PRKN: variants seen among roughly 807,000 people sequenced by gnomAD.
PRKN encodes parkin RBR E3 ubiquitin protein ligase, also known as E3 ubiquitin-protein ligase parkin.
PRKN carries 56 observed loss-of-function variants against 59.5 expected under a neutral mutation model. The ratio of observed to expected loss-of-function variants is 0.94; its 90% CI spans 0.76 to 1.18. PRKN has a LOEUF of 1.18. PRKN is among the 50% of genes most tolerant of loss of function. PRKN has a pLI of 0.00. For synonymous variants in PRKN, 250 were observed against 222.1 expected (o/e 1.13, Z -1.12); for missense variants, 657 against 596.4 (o/e 1.10, Z -1.06).
chr6:162,123,595 T>C (rs1781008770), intron 4 of PRKN, among the ~76,000 whole-genome samples: 1 of 152,222 alleles, frequency 6.6e-6, no homozygotes, highest in South Asian at 2.1e-4. Flanking sequence ...GAAATTAACA[T>C]CTTTTAGACA....
intron 1 of PRKN, among the ~76,000 whole-genome samples, chr6:162,578,951 TA>T (rs1780670119): frequency 1.3e-5 from 2 of 152,216 alleles, no homozygotes; most frequent in Admixed American, 1.3e-4. Flanking sequence ...TTAAACACCA[TA>T]AGACAGAAAA....
intron 1 of PRKN, among the ~76,000 whole-genome samples, chr6:162,587,718 G>T (rs1301461776): frequency 6.6e-6 from 1 of 152,008 alleles, no homozygotes; most frequent in East Asian, 1.9e-4. Context: ...TATCAGTTAG[G>T]TTGCAGTGAT....
intron 1 of PRKN, among the ~76,000 whole-genome samples, chr6:162,510,187 C>T (rs1011512658): frequency 3.9e-5 from 6 of 152,148 alleles, no homozygotes; most frequent in East Asian, 1.9e-4. Flanking sequence ...ACTAAATAGA[C>T]GTTTTTATTT....
chr6:161,416,654 T>C (rs1278459328), intron 9 of PRKN, among the ~76,000 whole-genome samples: 3 of 152,074 alleles, frequency 2.0e-5, no homozygotes, highest in Non-Finnish European at 2.9e-5. Flanking sequence ...GTGTCCTATA[T>C]TTGCTCATAA....
intron 2 of PRKN, among the ~76,000 whole-genome samples, chr6:162,317,665 T>C (rs1269185918): frequency 1.3e-5 from 2 of 152,036 alleles, no homozygotes; most frequent in African/African-American, 4.8e-5. Context: ...TCACTGAAAG[T>C]AGTCTGCCTG....
intron 6 of PRKN, among the ~76,000 whole-genome samples, chr6:161,814,390 GACTC>G (rs1791682160): frequency 6.6e-6 from 1 of 152,210 alleles, no homozygotes; most frequent in Non-Finnish European, 1.5e-5. Flanking sequence ...TGCTAATAAA[GACTC>G]ACAGTTTCAC....
At chr6:162,047,210 C>T (rs140095204) in intron 5 of PRKN, among the ~76,000 whole-genome samples, 2 of 152,288 alleles carry the variant, frequency 1.3e-5, no homozygotes, top group Admixed American at 1.3e-4. Context: ...AACACCAGGG[C>T]AGAAGGAAAA....
intron 1 of PRKN, among the ~76,000 whole-genome samples, chr6:162,578,732 G>A (rs575889440): frequency 5.4e-4 from 82 of 152,184 alleles, no homozygotes; most frequent in African/African-American, 2.0e-3. Context: ...TTCACACATA[G>A]TATATTTTAA....
rs368190954 is a variant in PRKN, at chr6:161,946,386, T to TCACACACACACACACACACA, written c.734+26896_734+26915dup. 7.3e-4 allele frequency among the ~76,000 whole-genome samples: 83 copies of TCACACACACACACACACACA among 113,390 alleles called. 1 individual carries two copies. The highest frequency in any genetic ancestry group is 9.8e-4 in the Non-Finnish European group (56 of 57,198). The allele number at this position is 113,390 out of a possible 152,430, so 74.4% of individuals were successfully genotyped here. A position where few individuals can be genotyped will look rare whatever the true frequency, so the allele number is the denominator to read the frequency against. ...GGTTCTTTACCAAATTGCATGCACA[T>TCACACACACACACACACACA]CACACACACACACACACACACACAC... On this transcript the variant is annotated intron_variant, in intron 6 of 11. Coordinates refer to ENST00000366898, the MANE Select transcript of PRKN (RefSeq NM_004562.3).
At chr6:162,249,171 T>A (rs1779325214) in intron 3 of PRKN, among the ~76,000 whole-genome samples, 1 of 152,134 alleles carries the variant, frequency 6.6e-6, no homozygotes, top group African/African-American at 2.4e-5. Context: ...AGCCACCAGC[T>A]GCTTTTGCAT....
chr6:162,080,145 C>T (rs1482623476), intron 4 of PRKN, among the ~76,000 whole-genome samples: 5 of 151,990 alleles, frequency 3.3e-5, no homozygotes, highest in South Asian at 4.2e-4. Context: ...CCCGGTGAAT[C>T]GAGATGATTT....
chr6:161,781,367 C>T (rs867514030), intron 7 of PRKN, among the ~76,000 whole-genome samples: 23 of 152,250 alleles, frequency 1.5e-4, no homozygotes, highest in Middle Eastern at 6.8e-3. Context: ...AACTTTGCAA[C>T]GCAACATCTT....
At chr6:161,591,437 C>CT (rs1781721922) in intron 7 of PRKN, among the ~76,000 whole-genome samples, 1 of 152,212 alleles carries the variant, frequency 6.6e-6, no homozygotes, top group South Asian at 2.1e-4. Context: ...AGAAAACCAC[C>CT]TCCACCCTCT....
At chr6:162,127,141 C>T (rs944168500) in intron 4 of PRKN, among the ~76,000 whole-genome samples, 3 of 152,170 alleles carry the variant, frequency 2.0e-5, no homozygotes, top group African/African-American at 7.2e-5. Context: ...ATTGAAATAA[C>T]TGTCAGATAA....
chr6:162,266,378 G>C (rs1158942324), intron 2 of PRKN: 1 of 152,272 alleles, frequency 6.6e-6, no homozygotes, highest in African/African-American at 2.4e-5. Context: ...AGAAATACTT[G>C]AGAGCAGCAA....
intron 7 of PRKN, among the ~76,000 whole-genome samples, chr6:161,706,772 G>T (rs1308036833): frequency 2.0e-5 from 3 of 152,026 alleles, no homozygotes; most frequent in Non-Finnish European, 2.9e-5. Flanking sequence ...TGGCCAGGCT[G>T]GTCTCGAACT....
At chr6:162,549,631 G>A (rs1779253755) in intron 1 of PRKN, among the ~76,000 whole-genome samples, 1 of 137,066 alleles carries the variant, frequency 7.3e-6, no homozygotes, top group African/African-American at 2.8e-5. Context: ...GTAATAGAAT[G>A]CGATAATCTT....
chr6:161,995,518 A>G (rs1393789319), intron 5 of PRKN, among the ~76,000 whole-genome samples: 4 of 152,254 alleles, frequency 2.6e-5, no homozygotes, highest in African/African-American at 7.2e-5. Context: ...TCAACAAGGG[A>G]CTAATACCCA....
chr6:162,164,491 T>C (rs1893553), intron 4 of PRKN, among the ~76,000 whole-genome samples: 146,990 of 148,472 alleles, frequency 0.99, 72,871 homozygotes, highest in Middle Eastern at 1. Flanking sequence ...AGATTACAGG[T>C]GTGAGCCACC....
Sources: allele counts gnomAD v4.1 joint callset (sites outside exome capture counted in the v4.1 genomes callset), GRCh38; gene constraint gnomAD v4.1.1; transcripts MANE v1.5; gene names NCBI Gene and HGNC (gene_info 2026-07-23, HGNC 2026-07-21).